Variants in UNC13C observed in about 807,000 individuals in gnomAD.
UNC13C encodes unc-13 homolog C.
A neutral mutation model predicts 245.4 loss-of-function variants in UNC13C; 174 were observed. The observed-to-expected ratio is 0.71, with a 90% confidence interval of 0.63 to 0.80. The LOEUF (loss-of-function observed/expected upper bound fraction) is 0.80. UNC13C is among the 30% of genes least tolerant of loss of function. UNC13C has a pLI of 0.00. For synonymous variants in UNC13C, 992 were observed against 895.1 expected, an observed-to-expected ratio of 1.11 and a Z score of -1.93; for missense variants, 2,829 against 2,602.9, an observed-to-expected ratio of 1.09 and a Z score of -1.89.
the UNC13C span, among the ~76,000 whole-genome samples, chr15:53,844,342 C>G: frequency 6.6e-6 from 1 of 152,054 alleles, no homozygotes; most frequent in Admixed American, 6.6e-5. Context: ...GGCAGCAAAG[C>G]AGATTTTATT....
intron 15 of UNC13C, among the ~76,000 whole-genome samples, chr15:54,332,490 A>G (rs2038465531): frequency 6.6e-6 from 1 of 151,900 alleles, no homozygotes; most frequent in African/African-American, 2.4e-5. Context: ...TATTTCCCCA[A>G]TTTCTGAGCT....
At chr15:54,163,641 G>C (rs1268173335) in intron 4 of UNC13C, among the ~76,000 whole-genome samples, 1 of 152,112 alleles carries the variant, frequency 6.6e-6, no homozygotes, top group Non-Finnish European at 1.5e-5. Flanking sequence ...TACTTCCTGA[G>C]AATTGGGATT....
chr15:54,197,250 G>A (rs1441394603), intron 4 of UNC13C, among the ~76,000 whole-genome samples: 1 of 152,198 alleles, frequency 6.6e-6, no homozygotes, highest in East Asian at 1.9e-4. Flanking sequence ...GCCAAGGCAG[G>A]AAGATCACCT....
chr15:54,091,662 A>C lies in UNC13C; in HGVS notation c.2984-51356A>C, dbSNP rs138531264. Among the ~76,000 whole-genome samples, 692 of 152,132 alleles carry C rather than the reference A, an allele frequency of 4.5e-3. 4 individuals are homozygous for C. Among genetic ancestry groups the C allele is most frequent in the African/African-American group, 0.016 (667 of 41,528 alleles). On this transcript the variant is annotated intron_variant, in intron 2 of 32. Transcript: ENST00000260323. Reference sequence around the variant, plus strand: ...ATATTTTATTGTATTTTCTAACAGGATATTGCTAGTATATAAAGCCACTAT... The same window carrying C: ...ATATTTTATTGTATTTTCTAACAGGCTATTGCTAGTATATAAAGCCACTAT...
At chr15:54,258,042 G>C (rs1421994960) in intron 8 of UNC13C, among the ~76,000 whole-genome samples, 2 of 152,070 alleles carry the variant, frequency 1.3e-5, no homozygotes, top group Non-Finnish European at 2.9e-5. Flanking sequence ...GAGGCTCCTG[G>C]AGAAAGAAAG....
the UNC13C span, chr15:53,912,722 C>G: frequency 1.3e-5 from 2 of 151,594 alleles, no homozygotes; most frequent in Non-Finnish European, 2.9e-5. Flanking sequence ...ACCCCAACAA[C>G]TTACTTCCAC....
At chr15:54,105,890 A>G (rs2141164983) in intron 2 of UNC13C, among the ~76,000 whole-genome samples, 1 of 152,390 alleles carries the variant, frequency 6.6e-6, no homozygotes, top group Admixed American at 6.5e-5. Flanking sequence ...CTAGAGGACT[A>G]GCTAGAAGCC....
At chr15:53,913,726 C>G in the UNC13C span, 1 of 152,228 alleles carries the variant, frequency 6.6e-6, no homozygotes, top group Admixed American at 6.5e-5. Flanking sequence ...ACCTGTAGTC[C>G]TAATGCCAAG....
intron 18 of UNC13C, 111 bp from the exon 19 acceptor site, chr15:54,414,871 A>G: frequency 1.8e-6 from 1 of 559,486 alleles, no homozygotes; most frequent in Non-Finnish European, 3.0e-6. Flanking sequence ...CATAAATAAA[A>G]GTATTTATGA....
At chr15:54,221,033 A>G (rs754314781) in intron 4 of UNC13C, among the ~76,000 whole-genome samples, 19 of 152,110 alleles carry the variant, frequency 1.2e-4, no homozygotes, top group Non-Finnish European at 2.5e-4. Flanking sequence ...GATGAAGTCT[A>G]ATTCCAAAGA....
intron 2 of UNC13C, among the ~76,000 whole-genome samples, chr15:54,040,308 G>A (rs1390819151): frequency 6.6e-6 from 1 of 152,156 alleles, no homozygotes; most frequent in Non-Finnish European, 1.5e-5. Context: ...GATAGACTTA[G>A]GCTGTAGGCA....
intron 17 of UNC13C, among the ~76,000 whole-genome samples, chr15:54,382,375 G>A (rs1417133041): frequency 6.6e-6 from 1 of 152,086 alleles, no homozygotes; most frequent in Admixed American, 6.6e-5. Flanking sequence ...GATTGCTTAA[G>A]CCCAGGAGTT....
chr15:54,524,053 GGCAAA>G, intron 24 of UNC13C, among the ~76,000 whole-genome samples: 1 of 152,226 alleles, frequency 6.6e-6, no homozygotes, highest in South Asian at 2.1e-4. Flanking sequence ...TAGTTTGTTA[GGCAAA>G]TTGTGATTAA....
rs769976822 is a variant in UNC13C, at chr15:54,622,374, A to G, written c.6154A>G (p.Ile2052Val). ...GGGTCAGATATCTGTTCATGTGGAC[A>G]TCACTGCCACCCCAGGAACGGGAGA... ...AVGQISVHVD[I>V]TATPGTGDHK... is the part of the protein sequence containing the mutation. Residue 2052 changes from isoleucine to valine, a missense_variant, in exon 31 of 33, where the codon ATC (isoleucine) becomes GTC (valine). Transcript: ENST00000260323. 1.2e-6 allele frequency: 2 copies of G among 1,613,250 alleles called. No individual in the cohort carries two copies. The highest frequency in any genetic ancestry group is 8.5e-7 in the Non-Finnish European group (1 of 1,179,494).
At chr15:54,406,566 G>T (rs1347405039) in intron 18 of UNC13C, among the ~76,000 whole-genome samples, 1 of 151,426 alleles carries the variant, frequency 6.6e-6, no homozygotes, top group Admixed American at 6.6e-5. Context: ...AGACAAAATT[G>T]TTTAAAGAGA....
chr15:54,364,286 C>T (rs2039305970), intron 17 of UNC13C, among the ~76,000 whole-genome samples: 1 of 41,900 alleles, frequency 2.4e-5, no homozygotes, highest in Admixed American at 3.5e-4. Context: ...ATTTATTAGA[C>T]CAAAAAATGA....
chr15:54,002,628 C>A (rs1347594196), intron 1 of UNC13C, among the ~76,000 whole-genome samples: 1 of 152,172 alleles, frequency 6.6e-6, no homozygotes, highest in African/African-American at 2.4e-5. Flanking sequence ...TCTAGAATAG[C>A]AGTGGTCCTC....
intron 24 of UNC13C, among the ~76,000 whole-genome samples, chr15:54,512,117 T>C (rs1894770368): frequency 6.6e-6 from 1 of 152,200 alleles, no homozygotes; most frequent in South Asian, 2.1e-4. Flanking sequence ...ACATATATAT[T>C]TGTATGCTAA....
chr15:54,013,081 A>G lies in UNC13C; in HGVS notation c.178A>G (p.Lys60Glu), dbSNP rs182909695. 37 of 1,613,894 alleles carry G rather than the reference A, an allele frequency of 2.3e-5. No homozygotes were observed. In the African/African-American group the frequency reaches 3.9e-4, roughly 17 times the overall value. The change falls in exon 2 of 33, where the codon AAA (lysine) becomes GAA (glutamate). Residue 60 changes from lysine to glutamate, a missense_variant. Coordinates refer to ENST00000260323, the MANE Select transcript of UNC13C (RefSeq NM_001080534.3). ...TKSPKFSYTF[K>E]STVKKIAKCS... ...ATCCCCCAAATTTTCTTACACTTTT[A>G]AAAGCACTGTAAAGAAGATTGCAAA...
Sources: allele counts gnomAD v4.1 joint callset (sites outside exome capture counted in the v4.1 genomes callset), GRCh38; gene constraint gnomAD v4.1.1; transcripts MANE v1.5; gene names NCBI Gene and HGNC (gene_info 2026-07-23, HGNC 2026-07-21).